Variants in MITF observed in about 807,000 individuals in gnomAD.
MITF encodes the protein melanocyte inducing transcription factor, also known as microphthalmia-associated transcription factor.
In MITF, 17 loss-of-function variants were observed where a neutral mutation model predicts 60.5. That is an observed-to-expected ratio of 0.28 (90% CI 0.19 to 0.42). The LOEUF (loss-of-function observed/expected upper bound fraction) is 0.42, where lower values mean the gene tolerates loss of function less well. MITF is among the 10% of genes least tolerant of loss of function. MITF has a pLI of 1.00. For missense variants in MITF, 622 were observed against 683.5 expected, an observed-to-expected ratio of 0.91 and a Z score of 1.00; for synonymous variants, 260 against 248.5, an observed-to-expected ratio of 1.05 and a Z score of -0.43.
chr3:69,800,392 G>A (rs1461467720), intron 1 of MITF, among the ~76,000 whole-genome samples: 1 of 152,124 alleles, frequency 6.6e-6, no homozygotes, highest in Non-Finnish European at 1.5e-5. Context: ...TGCCTGCTAT[G>A]AACTTTCTTG....
At chr3:69,936,472 A>C in intron 2 of MITF, 1 of 684,852 alleles carries the variant, frequency 1.5e-6, no homozygotes, top group Non-Finnish European at 2.1e-6. Context: ...ATTGATATCA[A>C]CATTTAAGAC....
chr3:69,942,406 C>T (rs1429951958), intron 5 of MITF, among the ~76,000 whole-genome samples: 3 of 152,080 alleles, frequency 2.0e-5, no homozygotes, highest in Non-Finnish European at 4.4e-5. Flanking sequence ...GACAAAATAA[C>T]ACTTACTTAG....
chr3:69,963,698 T>C (rs1379849376), intron 9 of MITF, among the ~76,000 whole-genome samples: 1 of 152,190 alleles, frequency 6.6e-6, no homozygotes, highest in Non-Finnish European at 1.5e-5. Flanking sequence ...CATGTGGCAC[T>C]TGTTTTCCTT....
chr3:69,755,959 T>A (rs983161859), intron 1 of MITF, among the ~76,000 whole-genome samples: 1 of 152,170 alleles, frequency 6.6e-6, no homozygotes, highest in Admixed American at 6.5e-5. Flanking sequence ...GAAGTTTGCA[T>A]AAGAATGGAA....
intron 1 of MITF, among the ~76,000 whole-genome samples, chr3:69,784,789 C>T (rs1375980117): frequency 6.6e-6 from 1 of 152,104 alleles, no homozygotes; most frequent in African/African-American, 2.4e-5. Context: ...GAGGCAGATT[C>T]TTCTTTATAA....
At chr3:69,886,012 G>A (rs115298555) in intron 2 of MITF, among the ~76,000 whole-genome samples, 281 of 152,210 alleles carry the variant, frequency 1.8e-3, no homozygotes, top group African/African-American at 6.4e-3. Flanking sequence ...TCACAGAGGG[G>A]TCAACTAGGT....
chr3:69,888,512 A>T (rs2064678063), intron 2 of MITF, among the ~76,000 whole-genome samples: 1 of 151,694 alleles, frequency 6.6e-6, no homozygotes, highest in Non-Finnish European at 1.5e-5. Context: ...CCTCCTGGGA[A>T]ATAAGTACGG....
intron 2 of MITF, among the ~76,000 whole-genome samples, chr3:69,916,349 A>G (rs536725053): frequency 6.6e-6 from 1 of 152,166 alleles, no homozygotes; most frequent in African/African-American, 2.4e-5. Flanking sequence ...GTTCACATCT[A>G]AAGCTTTGGC....
chr3:69,888,898 G>A (rs573346902), intron 2 of MITF, among the ~76,000 whole-genome samples: 4 of 151,594 alleles, frequency 2.6e-5, no homozygotes, highest in South Asian at 4.2e-4. Context: ...AACAAAAAAC[G>A]AAAAAATCCA....
At chr3:69,752,919 A>C (rs1474541635) in intron 1 of MITF, among the ~76,000 whole-genome samples, 1 of 152,198 alleles carries the variant, frequency 6.6e-6, no homozygotes, top group East Asian at 1.9e-4. Flanking sequence ...GCCTCCCCTG[A>C]AGCCTCCCCA....
At chr3:69,840,862 T>C (rs997395751) in intron 1 of MITF, among the ~76,000 whole-genome samples, 4 of 151,844 alleles carry the variant, frequency 2.6e-5, no homozygotes. Flanking sequence ...TTCAAGCAAT[T>C]CCCGTGCCTC....
chr3:69,828,785 C>G (rs1321999459), intron 1 of MITF, among the ~76,000 whole-genome samples: 1 of 152,064 alleles, frequency 6.6e-6, no homozygotes, highest in East Asian at 1.9e-4. Flanking sequence ...GAACATATTC[C>G]TGGAGTCTGA....
chr3:69,821,901 C>A (rs1343838273), intron 1 of MITF, among the ~76,000 whole-genome samples: 1 of 152,016 alleles, frequency 6.6e-6, no homozygotes, highest in Non-Finnish European at 1.5e-5. Flanking sequence ...TGCCACTATG[C>A]CTGGCTAATT....
intron 2 of MITF, among the ~76,000 whole-genome samples, chr3:69,910,965 G>T (rs1436618918): frequency 6.6e-6 from 1 of 152,018 alleles, no homozygotes; most frequent in Non-Finnish European, 1.5e-5. Context: ...GGCCAGGGGT[G>T]GAATGATATG....
chr3:69,830,898 T>C (rs887250414), intron 1 of MITF, among the ~76,000 whole-genome samples: 2 of 152,200 alleles, frequency 1.3e-5, no homozygotes, highest in African/African-American at 4.8e-5. Flanking sequence ...AGATTACAAA[T>C]ATTCCCATTA....
At chr3:69,941,369 T>G in intron 5 of MITF, 38 bp downstream of exon 5, 2 of 1,340,488 alleles carry the variant, frequency 1.5e-6, no homozygotes, top group Non-Finnish European at 2.1e-6. Context: ...AATCTTGAGG[T>G]GTTTCCAGGG....
chr3:69,889,754 A>G (rs1459729138), intron 2 of MITF, among the ~76,000 whole-genome samples: 1 of 152,140 alleles, frequency 6.6e-6, no homozygotes, highest in Non-Finnish European at 1.5e-5. Flanking sequence ...AGTTAGATTC[A>G]TATACCTAAC....
At chr3:69,917,164 A>G (rs1417009475) in intron 2 of MITF, among the ~76,000 whole-genome samples, 2 of 152,154 alleles carry the variant, frequency 1.3e-5, no homozygotes, top group Non-Finnish European at 2.9e-5. Flanking sequence ...TAGTCTGGAA[A>G]TGGATGTGTG....
chr3:69,854,584 G>A (rs2063883485), intron 1 of MITF, among the ~76,000 whole-genome samples: 1 of 152,164 alleles, frequency 6.6e-6, no homozygotes. Context: ...GGCAGAATGT[G>A]TGGATGTGGA....
Sources: allele counts gnomAD v4.1 joint callset (sites outside exome capture counted in the v4.1 genomes callset), GRCh38; gene constraint gnomAD v4.1.1; transcripts MANE v1.5; gene names NCBI Gene and HGNC (gene_info 2026-07-23, HGNC 2026-07-21).